Variants in ATP8A2 observed in about 807,000 individuals in gnomAD.
The protein encoded by ATP8A2 is ATPase phospholipid transporting 8A2, also known as phospholipid-transporting ATPase IB.
In ATP8A2, 100 loss-of-function variants were observed where a neutral mutation model predicts 165.6. That is an observed-to-expected ratio of 0.60 (90% confidence interval 0.51 to 0.71). ATP8A2 has a LOEUF of 0.71. Ranked by LOEUF, ATP8A2 falls within the 30% of genes least tolerant of loss-of-function variation. The pLI is 0.00. For synonymous variants in ATP8A2, 543 were observed against 548.8 expected, an observed-to-expected ratio of 0.99 and a Z score of 0.15; for missense variants, 1,227 against 1,479.5, an observed-to-expected ratio of 0.83 and a Z score of 2.80.
chr13:25,696,651 C>A (rs563865732), intron 24 of ATP8A2, among the ~76,000 whole-genome samples: 14 of 152,222 alleles, frequency 9.2e-5, no homozygotes, highest in African/African-American at 3.4e-4. Flanking sequence ...CCTCACCTCT[C>A]TCAGCCTTCA....
intron 1 of ATP8A2, among the ~76,000 whole-genome samples, chr13:25,452,070 G>A (rs2035243469): frequency 6.6e-6 from 1 of 151,966 alleles, no homozygotes; most frequent in South Asian, 2.1e-4. Context: ...AGCCAGGATG[G>A]TCTCGATCTC....
At chr13:25,592,632 G>T (rs559726115) in intron 24 of ATP8A2, among the ~76,000 whole-genome samples, 22 of 152,204 alleles carry the variant, frequency 1.4e-4, no homozygotes, top group South Asian at 2.1e-4. Flanking sequence ...CTTTTTTTCT[G>T]ATGATTTTCT....
intron 33 of ATP8A2, among the ~76,000 whole-genome samples, chr13:25,897,853 G>A (rs1281104181): frequency 1.3e-5 from 2 of 152,164 alleles, no homozygotes; most frequent in South Asian, 2.1e-4. Context: ...TGCATTCATC[G>A]CGTAGTTCTT....
chr13:25,588,593 C>T (rs2039985306), intron 23 of ATP8A2, among the ~76,000 whole-genome samples: 1 of 152,246 alleles, frequency 6.6e-6, no homozygotes, highest in Non-Finnish European at 1.5e-5. Flanking sequence ...AGATTGTCAC[C>T]TGCTTAGTTG....
Position 25,469,002 on chromosome 13 carries a change from T to C in ATP8A2, c.102T>C (p.Tyr34=), listed in dbSNP as rs2137520331. Residue 34 remains tyrosine, a synonymous_variant, in exon 2 of 37, where the codon TAT becomes TAC. Coordinates refer to ENST00000381655, the MANE Select transcript of ATP8A2 (RefSeq NM_016529.6). ...GACCTGTTCGTTCTTCTTTGGGCTA[T>C]AAGAAGGCAGAGGATGAGATGTCCC... ...SVGPVRSSLG[Y]KKAEDEMSRA... 1 of 1,614,020 alleles carries C rather than the reference T, an allele frequency of 6.2e-7. No individual in the cohort carries two copies. Among genetic ancestry groups the C allele is most frequent in the South Asian group, 1.1e-5 (1 of 91,090 alleles).
chr13:25,381,014 A>G (rs1280547547), intron 1 of ATP8A2, among the ~76,000 whole-genome samples: 1 of 152,208 alleles, frequency 6.6e-6, no homozygotes, highest in Non-Finnish European at 1.5e-5. Context: ...GTTAATTTTG[A>G]AAATGAACTG....
chr13:25,525,693 T>G (rs1214990036), intron 2 of ATP8A2, among the ~76,000 whole-genome samples: 1 of 152,148 alleles, frequency 6.6e-6, no homozygotes, highest in East Asian at 1.9e-4. Flanking sequence ...TGGAGGTTCT[T>G]TATACGTTAT....
At chr13:25,964,508 C>T (rs1250076814) in intron 34 of ATP8A2, among the ~76,000 whole-genome samples, 1 of 152,230 alleles carries the variant, frequency 6.6e-6, no homozygotes, top group East Asian at 1.9e-4. Flanking sequence ...TGAGAAGCTA[C>T]AGTGCTTCAC....
chr13:25,889,842 T>A (rs1477235786), intron 33 of ATP8A2, among the ~76,000 whole-genome samples: 2 of 152,186 alleles, frequency 1.3e-5, no homozygotes, highest in Non-Finnish European at 2.9e-5. Flanking sequence ...GATACTTTTT[T>A]AAATTTTTTA....
chr13:25,434,130 C>T (rs1402956505), intron 1 of ATP8A2, among the ~76,000 whole-genome samples: 6 of 152,058 alleles, frequency 3.9e-5, no homozygotes, highest in Non-Finnish European at 7.4e-5. Context: ...AGAAATCTCG[C>T]GCTTGTTGGG....
chr13:25,606,958 T>G (rs1434059235), intron 24 of ATP8A2, among the ~76,000 whole-genome samples: 2 of 152,102 alleles, frequency 1.3e-5, no homozygotes, highest in Non-Finnish European at 2.9e-5. Context: ...TACTGGTCCA[T>G]GGCCTGTTAG....
chr13:25,643,411 G>A (rs1453821696), intron 24 of ATP8A2, among the ~76,000 whole-genome samples: 1 of 151,978 alleles, frequency 6.6e-6, no homozygotes, highest in Non-Finnish European at 1.5e-5. Context: ...GAACATTCTT[G>A]TATATAACCC....
At position 25,745,448 on chromosome 13, in the gene ATP8A2, A is replaced by G. The variant is rs114266365; in HGVS notation, c.2385-23598A>G. 2.2e-3 allele frequency among the ~76,000 whole-genome samples: 329 copies of G among 152,282 alleles called. 1 individual carries two copies. Among genetic ancestry groups the G allele is most frequent in the African/African-American group, 7.8e-3 (324 of 41,558 alleles). On this transcript the variant is annotated intron_variant, in intron 25 of 36. Coordinates refer to ENST00000381655, the MANE Select transcript of ATP8A2 (RefSeq NM_016529.6). ...GTCAACTTACAATGAACTTATCTTT[A>G]TTTATGTCCTGTTTTGGTTCCAACG... is the stretch of plus-strand genomic sequence containing the variant.
intron 24 of ATP8A2, among the ~76,000 whole-genome samples, chr13:25,628,893 G>A (rs2041168973): frequency 6.6e-6 from 1 of 152,114 alleles, no homozygotes; most frequent in African/African-American, 2.4e-5. Flanking sequence ...TTTTATTGTG[G>A]GACATTATTT....
intron 27 of ATP8A2, among the ~76,000 whole-genome samples, chr13:25,823,080 A>T (rs963616914): frequency 1.2e-4 from 19 of 152,332 alleles, no homozygotes; most frequent in African/African-American, 4.3e-4. Flanking sequence ...GCCTGCAAGG[A>T]ACCAACAGAA....
intron 10 of ATP8A2, among the ~76,000 whole-genome samples, chr13:25,548,014 A>G (rs1013501394): frequency 6.6e-6 from 1 of 152,148 alleles, no homozygotes; most frequent in Admixed American, 6.6e-5. Flanking sequence ...GCCTGACCTC[A>G]GGAGTTCAAG....
chr13:25,382,396 T>C (rs1373942192), intron 1 of ATP8A2, among the ~76,000 whole-genome samples: 5 of 152,234 alleles, frequency 3.3e-5, no homozygotes, highest in Non-Finnish European at 7.3e-5. Context: ...TATAAATACT[T>C]CTGTGCAGGT....
intron 27 of ATP8A2, among the ~76,000 whole-genome samples, chr13:25,791,611 G>A (rs1473897990): frequency 6.6e-6 from 1 of 150,410 alleles, no homozygotes; most frequent in East Asian, 2.0e-4. Flanking sequence ...CACTCTGCCT[G>A]GAAGTTGCTG....
intron 32 of ATP8A2, among the ~76,000 whole-genome samples, chr13:25,862,097 G>A (rs1226503876): frequency 6.6e-6 from 1 of 152,078 alleles, no homozygotes; most frequent in Admixed American, 6.5e-5. Context: ...AGGGTACTTT[G>A]GGGCCATTCA....
Sources: allele counts gnomAD v4.1 joint callset (sites outside exome capture counted in the v4.1 genomes callset), GRCh38; gene constraint gnomAD v4.1.1; transcripts MANE v1.5; gene names NCBI Gene and HGNC (gene_info 2026-07-23, HGNC 2026-07-21).